PTPRT: variants seen among roughly 807,000 people sequenced by gnomAD.
The protein encoded by PTPRT is protein tyrosine phosphatase receptor type T, also known as receptor-type tyrosine-protein phosphatase T.
Under a neutral mutation model 176.8 loss-of-function variants are expected in PTPRT, and 56 were observed. That is an observed-to-expected ratio of 0.32 (90% CI 0.26 to 0.40). The LOEUF (loss-of-function observed/expected upper bound fraction) is 0.40, where lower values mean the gene tolerates loss of function less well. PTPRT is among the 10% of genes least tolerant of loss of function. The pLI, the probability that PTPRT is intolerant of heterozygous loss-of-function variation, is 1.00. For synonymous variants in PTPRT, 783 were observed against 739.0 expected (o/e 1.06, Z -0.96); for missense variants, 1,540 against 1,908.2 (o/e 0.81, Z 3.60).
At chr20:42,313,983 T>C (rs532565490) in intron 12 of PTPRT, among the ~76,000 whole-genome samples, 4 of 152,304 alleles carry the variant, frequency 2.6e-5, no homozygotes, top group Admixed American at 6.5e-5. Flanking sequence ...CTGACTGCCA[T>C]TGACAGATTA....
At chr20:42,515,176 A>AT (rs1186442977) in intron 7 of PTPRT, among the ~76,000 whole-genome samples, 3 of 151,984 alleles carry the variant, frequency 2.0e-5, no homozygotes, top group Non-Finnish European at 2.9e-5. Context: ...CAATTTTATA[A>AT]TTTTTTTTCA....
intron 7 of PTPRT, among the ~76,000 whole-genome samples, chr20:42,663,880 C>A (rs2075268896): frequency 6.6e-6 from 1 of 152,162 alleles, no homozygotes; most frequent in Non-Finnish European, 1.5e-5. Flanking sequence ...ATCGTTGGTG[C>A]ATTTAAGTGA....
Position 42,227,442 on chromosome 20 carries a change from C to T in PTPRT, c.2342+8787G>A, listed in dbSNP as rs1351988909. Among the ~76,000 whole-genome samples the T allele has an allele frequency of 2.0e-5, 3 of 152,180 alleles. No homozygotes were observed. The East Asian group carries it at 5.8e-4, about 30-fold the overall frequency. The stretch of plus-strand genomic sequence containing the variant: ...AAGTGGGTTTCCCTCCCCTGAAATG[C>T]ACTCTTCATTGCCTATGAACACTTT... On this transcript the variant is annotated intron_variant, in intron 15 of 30. Coordinates refer to ENST00000373187, the MANE Select transcript of PTPRT (RefSeq NM_007050.6).
At position 42,110,450 on chromosome 20, in the gene PTPRT, T is replaced by C. The variant is rs1469147605; in HGVS notation, c.3137A>G (p.His1046Arg). The C allele has an allele frequency of 1.2e-6, 2 of 1,611,314 alleles. No individual in the cohort carries two copies. Among genetic ancestry groups the C allele is most frequent in the Admixed American group, 3.3e-5 (2 of 59,938 alleles). ...GCCGTGGTCAGGCCAGCTGGTGAAGTGGAAGAGGCGGAGCTCCCGGATCTC... is the reference window on the plus strand; with the variant it reads ...GCCGTGGTCAGGCCAGCTGGTGAAGCGGAAGAGGCGGAGCTCCCGGATCTC... ...YHEIRELRLF[H>R]FTSWPDHGVP... Residue 1046 changes from histidine to arginine, a missense_variant, in exon 23 of 31, where the codon CAC (histidine) becomes CGC (arginine). His to Arg is a conservative substitution (Grantham distance 29, BLOSUM62 0). This residue lies in a region of PTPRT where 248 missense variants were observed against 356.7 expected (regional missense o/e 0.70). Coordinates refer to ENST00000373187, the MANE Select transcript of PTPRT (RefSeq NM_007050.6).
At chr20:43,031,247 C>T (rs1353647715) in intron 1 of PTPRT, among the ~76,000 whole-genome samples, 1 of 152,184 alleles carries the variant, frequency 6.6e-6, no homozygotes, top group East Asian at 1.9e-4. Context: ...TGGCAGTACA[C>T]ACTCTTAGCA....
chr20:43,028,332 C>G (rs1405873052), intron 1 of PTPRT, among the ~76,000 whole-genome samples: 1 of 152,096 alleles, frequency 6.6e-6, no homozygotes, highest in Admixed American at 6.5e-5. Context: ...CTTGCTTTGC[C>G]CTTTGAACTT....
In PTPRT at chr20:42,523,409, T is replaced by C. The variant is rs2072212334; in HGVS notation, c.1154-50847A>G. Among the ~76,000 whole-genome samples, 3 of 152,358 alleles carry C rather than the reference T, an allele frequency of 2.0e-5. No individual in the cohort carries two copies. The South Asian group carries it at 6.2e-4, about 32-fold the overall frequency. On this transcript the variant is annotated intron_variant, in intron 7 of 30. Coordinates refer to ENST00000373187, the MANE Select transcript of PTPRT (RefSeq NM_007050.6). ...GAAATTTTATTTGAATGTCTCATTG[T>C]TGGACAACCTGATTGTCAATAGTTT...
At chr20:42,402,056 T>A (rs187938977) in intron 9 of PTPRT, among the ~76,000 whole-genome samples, 2 of 151,972 alleles carry the variant, frequency 1.3e-5, no homozygotes, top group East Asian at 3.9e-4. Context: ...AACTGTTAGG[T>A]GGTCTACAAT....
At chr20:42,857,355 G>A (rs1461125318) in intron 2 of PTPRT, among the ~76,000 whole-genome samples, 1 of 152,148 alleles carries the variant, frequency 6.6e-6, no homozygotes, top group Non-Finnish European at 1.5e-5. Context: ...GTAAGTCCTA[G>A]CTCTGCTCCT....
rs568530118 is a variant in PTPRT, at chr20:42,118,384, G to T, written c.2982+19C>A. 4 of 1,590,998 alleles carry T rather than the reference G, an allele frequency of 2.5e-6. No homozygotes were observed. Among genetic ancestry groups the T allele is most frequent in the South Asian group, 2.3e-5 (2 of 88,272 alleles). ...CATCTCCAGCATCCTCTGCCCAGGC[G>T]AGTGCAGGAGAGGCTTACCCTGCCC... is the stretch of plus-strand genomic sequence containing the variant. On this transcript the variant is annotated intron_variant, in intron 21 of 30. Transcript: ENST00000373187.
In PTPRT at chr20:43,189,361, C is replaced by T. The variant is rs2015478310; in HGVS notation, c.88+285G>A. ...GGGAGGCAGCAAGTGGAAATATTCG[C>T]AACAACCGCGGAAAGTTACTCCAGC... is the stretch of plus-strand genomic sequence containing the variant. On this transcript the variant is annotated intron_variant, in intron 1 of 30. Transcript: ENST00000373187. This position sits in a 1 kb window ranked among gnomAD's most constrained non-coding sequence, Gnocchi z 5.0. 6.6e-6 allele frequency among the ~76,000 whole-genome samples: 1 copy of T among 152,182 alleles called. No individual in the cohort carries two copies. Among genetic ancestry groups the T allele is most frequent in the Admixed American group, 6.5e-5 (1 of 15,294 alleles).
At chr20:42,994,387 A>T (rs528466353) in intron 1 of PTPRT, among the ~76,000 whole-genome samples, 2 of 152,322 alleles carry the variant, frequency 1.3e-5, no homozygotes, top group African/African-American at 4.8e-5. Flanking sequence ...CTATTTTGAA[A>T]TGTGACTTGA....
Position 43,028,195 on chromosome 20 carries a change from T to C in PTPRT, c.89-142263A>G, listed in dbSNP as rs746211123. Among the ~76,000 whole-genome samples, 9 of 152,274 alleles carry C rather than the reference T, an allele frequency of 5.9e-5. No homozygotes were observed. The South Asian group carries it at 1.5e-3, about 25-fold the overall frequency. ...AGGGCATGCCCTATTGTCTCCTGCA[T>C]GGACTCAGTTACGAGCTGCTCTCCA... On this transcript the variant is annotated intron_variant, in intron 1 of 30. Transcript: ENST00000373187.
the PTPRT span, among the ~76,000 whole-genome samples, chr20:42,054,106 G>A: frequency 3.9e-5 from 6 of 152,112 alleles, no homozygotes; most frequent in Admixed American, 6.5e-5. Flanking sequence ...CTTGAGTATG[G>A]GACATCTTGG....
At chr20:42,979,114 C>A (rs1051619076) in intron 1 of PTPRT, among the ~76,000 whole-genome samples, 22 of 151,932 alleles carry the variant, frequency 1.4e-4, no homozygotes, top group African/African-American at 4.8e-4. Context: ...AAAAATGGTA[C>A]CTTTATTCTT....
At chr20:42,119,892 C>A in intron 20 of PTPRT, 43 bp downstream of exon 20, 1 of 1,569,854 alleles carries the variant, frequency 6.4e-7, no homozygotes, top group South Asian at 1.1e-5. Flanking sequence ...CCCTGGGACC[C>A]CTGAAGCCTC....
intron 7 of PTPRT, among the ~76,000 whole-genome samples, chr20:42,578,638 A>G (rs989439607): frequency 6.6e-6 from 1 of 151,988 alleles, no homozygotes; most frequent in African/African-American, 2.4e-5. Flanking sequence ...TCCACCAGCA[A>G]ATCTGTTGGC....
chr20:42,579,199 G>T (rs1240450870), intron 7 of PTPRT, among the ~76,000 whole-genome samples: 1 of 151,588 alleles, frequency 6.6e-6, no homozygotes, highest in Non-Finnish European at 1.5e-5. Flanking sequence ...GAGAATGATG[G>T]TTTCCAGCTT....
chr20:42,386,038 C>T (rs909415008), intron 9 of PTPRT, among the ~76,000 whole-genome samples: 2 of 152,158 alleles, frequency 1.3e-5, no homozygotes, highest in African/African-American at 4.8e-5. Context: ...TGACTCTATG[C>T]CATGCATACA....
Sources: gnomAD v4.1 joint callset for allele counts (sites outside exome capture counted in the v4.1 genomes callset) on GRCh38, gnomAD v4.1.1 for gene constraint, gnomAD v4.1.1 regional missense constraint, Gnocchi (gnomAD v3.1) non-coding constraint, MANE v1.5 for transcripts, NCBI Gene and HGNC (gene_info 2026-07-23, HGNC 2026-07-21) for gene names.